Variants in TENM3 observed in about 807,000 individuals in gnomAD.
TENM3 encodes teneurin-3.
Under a neutral mutation model 255.1 loss-of-function variants are expected in TENM3, and 63 were observed. That is an observed-to-expected ratio of 0.25 (90% CI 0.20 to 0.30). The LOEUF (loss-of-function observed/expected upper bound fraction) is 0.30, where lower values mean the gene tolerates loss of function less well. Among genes scored for constraint, TENM3 ranks in the 10% least tolerant of loss-of-function variants. The probability of loss-of-function intolerance (pLI) is 1.00; values close to 1 mark genes in which losing one functional copy is unlikely to be tolerated. For synonymous variants in TENM3, 1,306 were observed against 1,322.3 expected, an observed-to-expected ratio of 0.99 and a Z score of 0.27; for missense variants, 2,929 against 3,461.1, an observed-to-expected ratio of 0.85 and a Z score of 3.86.
chr4:181,600,882 T>C, the TENM3 span, among the ~76,000 whole-genome samples: 2 of 151,232 alleles, frequency 1.3e-5, no homozygotes, highest in Non-Finnish European at 2.9e-5. Flanking sequence ...TCAATTTGGG[T>C]TCAGGTGGGT....
chr4:182,068,509 G>A, the TENM3 span, among the ~76,000 whole-genome samples: 4 of 150,962 alleles, frequency 2.6e-5, no homozygotes, highest in Non-Finnish European at 4.4e-5. Context: ...AATGAGGAAA[G>A]GTTTTCATTA....
At chr4:182,478,297 A>G (rs1733871543) in intron 3 of TENM3, among the ~76,000 whole-genome samples, 1 of 152,122 alleles carries the variant, frequency 6.6e-6, no homozygotes, top group Non-Finnish European at 1.5e-5. Context: ...TCATGTGAAA[A>G]TTTATTGACT....
At chr4:181,524,929 T>G in the TENM3 span, among the ~76,000 whole-genome samples, 57 of 152,338 alleles carry the variant, frequency 3.7e-4, 1 homozygote, top group African/African-American at 1.3e-3. Context: ...TGCCAAGCTT[T>G]AAGTATGCAC....
At chr4:182,205,063 C>T (rs915802050) in intron 1 of TENM3, among the ~76,000 whole-genome samples, 5 of 152,118 alleles carry the variant, frequency 3.3e-5, no homozygotes, top group African/African-American at 1.2e-4. Flanking sequence ...TTAAAATAAC[C>T]CCATCTTACA....
At chr4:182,289,342 G>A (rs1366821507) in intron 1 of TENM3, among the ~76,000 whole-genome samples, 1 of 152,252 alleles carries the variant, frequency 6.6e-6, no homozygotes, top group Non-Finnish European at 1.5e-5. Context: ...ACAGCGGCCT[G>A]TTCCTGGCCC....
the TENM3 span, among the ~76,000 whole-genome samples, chr4:181,600,781 C>T: frequency 6.6e-6 from 1 of 151,648 alleles, no homozygotes; most frequent in Non-Finnish European, 1.5e-5. Flanking sequence ...GAGTTCCTTG[C>T]CTGTCATTCT....
At chr4:181,819,940 A>G in the TENM3 span, 1 of 152,152 alleles carries the variant, frequency 6.6e-6, no homozygotes, top group Admixed American at 6.5e-5. Flanking sequence ...CAGTAACTGG[A>G]ACAATATTGC....
At chr4:182,485,406 C>G (rs1254379466) in intron 3 of TENM3, among the ~76,000 whole-genome samples, 1 of 152,028 alleles carries the variant, frequency 6.6e-6, no homozygotes, top group African/African-American at 2.4e-5. Context: ...TATTATATAT[C>G]AATTTATCAT....
At chr4:182,270,437 TTG>T (rs1427668497) in intron 1 of TENM3, among the ~76,000 whole-genome samples, 3 of 152,200 alleles carry the variant, frequency 2.0e-5, no homozygotes, top group Non-Finnish European at 2.9e-5. Flanking sequence ...ACAAAGAATC[TTG>T]TTTCATTAGT....
At chr4:182,422,894 C>T (rs1770939913) in intron 3 of TENM3, among the ~76,000 whole-genome samples, 1 of 152,160 alleles carries the variant, frequency 6.6e-6, no homozygotes, top group Admixed American at 6.5e-5. Context: ...GATGAGGCAA[C>T]TGAGGCATGG....
At chr4:181,550,389 A>G in the TENM3 span, among the ~76,000 whole-genome samples, 22 of 152,248 alleles carry the variant, frequency 1.4e-4, no homozygotes, top group African/African-American at 4.8e-4. Flanking sequence ...ATGGAAATCA[A>G]CTTCTAGCAT....
the TENM3 span, among the ~76,000 whole-genome samples, chr4:181,758,036 G>C: frequency 6.6e-6 from 1 of 152,154 alleles, no homozygotes; most frequent in African/African-American, 2.4e-5. Context: ...AGTAAATGCT[G>C]TTTATTGTGA....
the TENM3 span, among the ~76,000 whole-genome samples, chr4:181,745,728 TTG>T: frequency 2.0e-5 from 3 of 152,130 alleles, no homozygotes; most frequent in Non-Finnish European, 4.4e-5. Context: ...AGGCTGAGGA[TTG>T]TGGAGAAGCT....
At chr4:182,286,634 G>A (rs1413378433) in intron 1 of TENM3, among the ~76,000 whole-genome samples, 1 of 152,134 alleles carries the variant, frequency 6.6e-6, no homozygotes, top group Non-Finnish European at 1.5e-5. Flanking sequence ...GGTCTCAATT[G>A]TTGACACTTC....
the TENM3 span, among the ~76,000 whole-genome samples, chr4:181,825,681 A>T: frequency 6.6e-6 from 1 of 152,232 alleles, no homozygotes; most frequent in Non-Finnish European, 1.5e-5. Context: ...CCTCAATCAC[A>T]AAACACAGTT....
the TENM3 span, among the ~76,000 whole-genome samples, chr4:181,948,247 G>A: frequency 6.6e-6 from 1 of 151,882 alleles, no homozygotes; most frequent in African/African-American, 2.4e-5. Context: ...TTCACGGGGG[G>A]AAAAAATAGA....
the TENM3 span, among the ~76,000 whole-genome samples, chr4:181,773,386 G>A: frequency 2.3e-3 from 343 of 152,224 alleles, 3 homozygotes; most frequent in African/African-American, 7.9e-3. Context: ...TATTTGCTAC[G>A]GTTGATGTCA....
At chr4:182,383,794 T>C (rs1199553694) in intron 3 of TENM3, among the ~76,000 whole-genome samples, 1 of 152,134 alleles carries the variant, frequency 6.6e-6, no homozygotes, top group African/African-American at 2.4e-5. Context: ...ATGGTACTGT[T>C]ACAAAAACAG....
chr4:182,359,151 G>A (rs373464337), intron 3 of TENM3, among the ~76,000 whole-genome samples: 1 of 152,120 alleles, frequency 6.6e-6, no homozygotes, highest in Non-Finnish European at 1.5e-5. Flanking sequence ...TTGCATCAAT[G>A]TTCATCAAGG....
Sources: allele counts gnomAD v4.1 joint callset (sites outside exome capture counted in the v4.1 genomes callset), GRCh38; gene constraint gnomAD v4.1.1; transcripts MANE v1.5; gene names NCBI Gene and HGNC (gene_info 2026-07-23, HGNC 2026-07-21).